GRID2: variants seen among roughly 807,000 people sequenced by gnomAD.
GRID2 encodes the protein glutamate ionotropic receptor delta type subunit 2, also known as glutamate receptor ionotropic, delta-2.
Under a neutral mutation model 114.8 loss-of-function variants are expected in GRID2, and 33 were observed. That is an observed-to-expected ratio of 0.29 (90% confidence interval 0.22 to 0.38). The LOEUF (loss-of-function observed/expected upper bound fraction) is 0.38, where lower values mean the gene tolerates loss of function less well. Among genes scored for constraint, GRID2 ranks in the 10% least tolerant of loss-of-function variants. The pLI, the probability that GRID2 is intolerant of heterozygous loss-of-function variation, is 1.00. For synonymous variants in GRID2, 505 were observed against 449.9 expected, an observed-to-expected ratio of 1.12 and a Z score of -1.55; for missense variants, 1,184 against 1,257.7, an observed-to-expected ratio of 0.94 and a Z score of 0.89.
At chr4:92,677,692 T>C (rs1021385584) in intron 2 of GRID2, among the ~76,000 whole-genome samples, 1 of 152,154 alleles carries the variant, frequency 6.6e-6, no homozygotes, top group African/African-American at 2.4e-5. Flanking sequence ...TCTCATGATA[T>C]ATCCAGTCGT....
At chr4:92,320,071 A>G (rs1726231095) in intron 1 of GRID2, among the ~76,000 whole-genome samples, 1 of 152,178 alleles carries the variant, frequency 6.6e-6, no homozygotes. Context: ...AGAAAATTCA[A>G]TACAGGAAAC....
chr4:92,675,277 A>T (rs1302896842), intron 2 of GRID2, among the ~76,000 whole-genome samples: 3 of 152,158 alleles, frequency 2.0e-5, no homozygotes, highest in Non-Finnish European at 4.4e-5. Context: ...TGGCTTTTGG[A>T]ATAGCTGTTT....
At chr4:93,244,331 G>A (rs551008110) in intron 8 of GRID2, among the ~76,000 whole-genome samples, 9 of 151,760 alleles carry the variant, frequency 5.9e-5, no homozygotes, top group Admixed American at 3.3e-4. Flanking sequence ...AAAATAAAAT[G>A]TACGTCAGAG....
intron 8 of GRID2, among the ~76,000 whole-genome samples, chr4:93,290,315 C>G (rs758674957): frequency 6.6e-6 from 1 of 151,852 alleles, no homozygotes; most frequent in Non-Finnish European, 1.5e-5. Context: ...AAGAGGTGTT[C>G]GGATAGAGCT....
intron 2 of GRID2, among the ~76,000 whole-genome samples, chr4:92,913,680 A>G (rs1173964148): frequency 6.6e-6 from 1 of 152,022 alleles, no homozygotes; most frequent in East Asian, 1.9e-4. Context: ...CTAGCTTTAG[A>G]AAATATAGTA....
At chr4:93,526,702 G>A (rs1199283816) in intron 13 of GRID2, among the ~76,000 whole-genome samples, 1 of 152,102 alleles carries the variant, frequency 6.6e-6, no homozygotes, top group Non-Finnish European at 1.5e-5. Context: ...CCAGCTACTC[G>A]GGAAGCTGAG....
intron 2 of GRID2, among the ~76,000 whole-genome samples, chr4:92,987,269 A>G: frequency 6.6e-6 from 1 of 152,148 alleles, no homozygotes. Context: ...GAACTTCCTC[A>G]CCATTAAAGA....
intron 8 of GRID2, among the ~76,000 whole-genome samples, chr4:93,381,135 T>C (rs1763815133): frequency 6.6e-6 from 1 of 152,106 alleles, no homozygotes; most frequent in Admixed American, 6.6e-5. Flanking sequence ...AATAAGTACA[T>C]TTATATTCCT....
In GRID2 at chr4:93,796,887, T is replaced by A. The variant is rs1734814080; in HGVS notation, c.222-9828T>A. ...TTGTAAAGAGTGTTAAGCTATCCAA[T>A]TTAATGTACAGTCATGCATCATTTA... is the stretch of plus-strand genomic sequence containing the variant. On this transcript the variant is annotated intron_variant, in intron 1 of 1. Transcript: ENST00000637838. Among the ~76,000 whole-genome samples, 4 of 152,278 alleles carry A rather than the reference T, an allele frequency of 2.6e-5. No homozygotes were observed. The South Asian group carries it at 8.3e-4, about 32-fold the overall frequency.
chr4:93,534,074 C>A (rs1170704718), intron 13 of GRID2, among the ~76,000 whole-genome samples: 1 of 151,980 alleles, frequency 6.6e-6, no homozygotes, highest in Admixed American at 6.6e-5. Context: ...ATCTTTCCTT[C>A]CCCTAGGTAG....
intron 4 of GRID2, among the ~76,000 whole-genome samples, chr4:93,177,757 C>G (rs1037817797): frequency 6.6e-6 from 1 of 152,180 alleles, no homozygotes; most frequent in South Asian, 2.1e-4. Context: ...TATCACTACC[C>G]ATTTAAAGTT....
At chr4:93,346,540 C>T (rs971848296) in intron 8 of GRID2, among the ~76,000 whole-genome samples, 2 of 152,042 alleles carry the variant, frequency 1.3e-5, no homozygotes, top group Non-Finnish European at 2.9e-5. Context: ...TTTGTGTGGA[C>T]TAAGTGCAAG....
intron 2 of GRID2, among the ~76,000 whole-genome samples, chr4:93,045,102 A>G (rs1726001614): frequency 6.6e-6 from 1 of 152,166 alleles, no homozygotes. Flanking sequence ...GCTGCTGCTC[A>G]TAAGGCACTA....
At chr4:92,362,332 T>C (rs1728654465) in intron 1 of GRID2, among the ~76,000 whole-genome samples, 1 of 151,220 alleles carries the variant, frequency 6.6e-6, no homozygotes, top group South Asian at 2.1e-4. Flanking sequence ...GTGATCAAAG[T>C]GGGAAGTATG....
chr4:93,179,620 T>C (rs1739693283), intron 4 of GRID2, among the ~76,000 whole-genome samples: 1 of 152,216 alleles, frequency 6.6e-6, no homozygotes, highest in African/African-American at 2.4e-5. Context: ...GGCATTGTGC[T>C]AAGTACCTTG....
intron 11 of GRID2, among the ~76,000 whole-genome samples, chr4:93,474,526 A>G (rs184644923): frequency 1.3e-5 from 2 of 152,256 alleles, no homozygotes; most frequent in African/African-American, 2.4e-5. Context: ...TATTTGCTTG[A>G]ACCTGCCCTA....
At chr4:93,105,006 G>C (rs1379612457) in intron 3 of GRID2, among the ~76,000 whole-genome samples, 6 of 151,814 alleles carry the variant, frequency 4.0e-5, no homozygotes, top group Non-Finnish European at 8.8e-5. Flanking sequence ...CATTCTAACT[G>C]GTGTGAGATG....
intron 2 of GRID2, among the ~76,000 whole-genome samples, chr4:92,718,891 C>A (rs1376069981): frequency 6.6e-6 from 1 of 150,822 alleles, no homozygotes; most frequent in Non-Finnish European, 1.5e-5. Flanking sequence ...AGATTAAAAT[C>A]TACAAAACAA....
At chr4:93,082,133 T>C (rs1729923289) in intron 2 of GRID2, among the ~76,000 whole-genome samples, 1 of 152,222 alleles carries the variant, frequency 6.6e-6, no homozygotes, top group African/African-American at 2.4e-5. Flanking sequence ...CCCGTTCTTA[T>C]ATGTGCACAA....
Sources: allele counts gnomAD v4.1 joint callset (sites outside exome capture counted in the v4.1 genomes callset), GRCh38; gene constraint gnomAD v4.1.1; transcripts MANE v1.5; gene names NCBI Gene and HGNC (gene_info 2026-07-23, HGNC 2026-07-21).